The following TMEM33 variants were observed in gnomAD, a reference collection of about 807,000 sequenced individuals.
TMEM33 encodes the protein transmembrane protein 33.
Under a neutral mutation model 29.7 loss-of-function variants are expected in TMEM33, and 16 were observed. The observed-to-expected ratio is 0.54, with a 90% CI of 0.36 to 0.82. The LOEUF (loss-of-function observed/expected upper bound fraction) is 0.82. Among genes scored for constraint, TMEM33 ranks in the 40% least tolerant of loss-of-function variants. The pLI, the probability that TMEM33 is intolerant of heterozygous loss-of-function variation, is 0.00. For missense variants in TMEM33, 252 were observed against 295.3 expected, an observed-to-expected ratio of 0.85 and a Z score of 1.08; for synonymous variants, 112 against 109.4, an observed-to-expected ratio of 1.02 and a Z score of -0.15.
At chr4:41,940,046 C>CTTTTTTTTTTTTTTTTTTTTTT (rs71650953) in intron 3 of TMEM33, among the ~76,000 whole-genome samples, 1 of 81,366 alleles carries the variant, frequency 1.2e-5, no homozygotes, top group East Asian at 3.7e-4. Flanking sequence ...GTTAAACTTT[C>CTTTTTTTTTTTTTTTTTTTTTT]TTTTTTTTTT....
At chr4:41,940,047 T>C (rs73153227) in intron 3 of TMEM33, among the ~76,000 whole-genome samples, 3,177 of 19,836 alleles carry the variant, frequency 0.16, 42 homozygotes, top group African/African-American at 0.35. Flanking sequence ...TTAAACTTTC[T>C]TTTTTTTTTT....
rs78062577 is a variant in TMEM33 at position 41,943,526 on chromosome 4, A to C, written c.329-221A>C. Among the ~76,000 whole-genome samples the C allele has an allele frequency of 3.3e-5, 3 of 90,414 alleles. No homozygotes were observed. The East Asian group carries it at 7.5e-4, about 23-fold the overall frequency. The allele number at this position is 90,414 out of a possible 152,430, so 59.3% of individuals were successfully genotyped here. A position where few individuals can be genotyped will look rare whatever the true frequency, so the allele number is the denominator to read the frequency against. ...GGGGAGAAGAGTGAGACTTTGTCTCAAAAAAAAAAAAGAACTGTGAATTTT... is the reference window on the plus strand; with the variant it reads ...GGGGAGAAGAGTGAGACTTTGTCTCCAAAAAAAAAAAGAACTGTGAATTTT... On this transcript the variant is annotated intron_variant, in intron 3 of 6. Transcript: ENST00000504986.
intron 4 of TMEM33, 62 bp downstream of exon 4, chr4:41,943,876 C>G (rs1162875277): frequency 7.3e-6 from 11 of 1,505,748 alleles, no homozygotes; most frequent in African/African-American, 6.9e-5. Context: ...AATTTGAGTT[C>G]TAAGACATTT....
At chr4:41,951,204 A>G (rs1207914970) in intron 6 of TMEM33, among the ~76,000 whole-genome samples, 4 of 152,148 alleles carry the variant, frequency 2.6e-5, no homozygotes, top group Non-Finnish European at 5.9e-5. Context: ...TGTCCAGTAC[A>G]GCACAGCAAC....
chr4:41,956,387 A>G lies in TMEM33; in HGVS notation c.*2188A>G, dbSNP rs1488010891. ...GTAGAACATTTATCTAAAGTAAGAT[A>G]TTAGCCCAGAACAATACTACTAACT... On this transcript the variant is annotated 3_prime_UTR_variant, in exon 7 of 7. Coordinates refer to ENST00000504986, the MANE Select transcript of TMEM33 (RefSeq NM_018126.3). 2 of 152,188 alleles carry G rather than the reference A, an allele frequency of 1.3e-5. No individual in the cohort carries two copies. Among genetic ancestry groups the G allele is most frequent in the Non-Finnish European group, 2.9e-5 (2 of 68,040 alleles). The allele number at this position is 152,188 out of a possible 1,614,324, so 9.4% of individuals were successfully genotyped here.
intron 1 of TMEM33, 25 bp downstream of exon 1, chr4:41,935,554 G>A (rs750281646): frequency 1.9e-6 from 3 of 1,594,288 alleles, no homozygotes; most frequent in Non-Finnish European, 1.7e-6. Flanking sequence ...AGGGTAGTCT[G>A]GCTTGATTTG....
At chr4:41,941,563 C>A (rs1712543586) in intron 3 of TMEM33, among the ~76,000 whole-genome samples, 1 of 152,194 alleles carries the variant, frequency 6.6e-6, no homozygotes, top group Non-Finnish European at 1.5e-5. Context: ...AGACTCATGA[C>A]TGGTGAAGAA....
chr4:41,946,077 G>GTT (rs756912449), intron 5 of TMEM33, among the ~76,000 whole-genome samples: 12 of 116,250 alleles, frequency 1.0e-4, no homozygotes, highest in East Asian at 4.9e-4. Flanking sequence ...ATCCAGTTCT[G>GTT]TTTTTTTTTT....
At chr4:41,950,197 T>A (rs1484186613) in intron 6 of TMEM33, among the ~76,000 whole-genome samples, 1 of 152,126 alleles carries the variant, frequency 6.6e-6, no homozygotes, top group Admixed American at 6.5e-5. Context: ...TTTTCAGGAA[T>A]GGAGGCTTAA....
rs201660404 is a variant in TMEM33 at position 41,935,459 on chromosome 4, C to A, written c.-26C>A. The stretch of plus-strand genomic sequence containing the variant: ...CTTTCTTCTCTCTTCGCGGTTGCGG[C>A]GTCGCAGACGCTAGTGTGAGCCCCC... On this transcript the variant is annotated 5_prime_UTR_variant, in exon 1 of 7. Coordinates refer to ENST00000504986, the MANE Select transcript of TMEM33 (RefSeq NM_018126.3). 1.3e-6 allele frequency: 2 copies of A among 1,599,888 alleles called. No individual in the cohort carries two copies. The highest frequency in any genetic ancestry group is 8.5e-7 in the Non-Finnish European group (1 of 1,173,144).
intron 4 of TMEM33, chr4:41,944,033 C>T (rs1232233235): frequency 3.9e-5 from 19 of 481,156 alleles, no homozygotes; most frequent in South Asian, 8.9e-5. Context: ...CTTAAAATCA[C>T]CCCCCAGTCT....
At chr4:41,949,170 CATG>C in intron 5 of TMEM33, 129 bp from the exon 6 acceptor site, 1 of 526,690 alleles carries the variant, frequency 1.9e-6, no homozygotes. Flanking sequence ...TGGATTTAGA[CATG>C]ATAGATTTCA....
At chr4:41,937,171 G>T (rs1338208788) in intron 1 of TMEM33, among the ~76,000 whole-genome samples, 1 of 151,764 alleles carries the variant, frequency 6.6e-6, no homozygotes, top group Non-Finnish European at 1.5e-5. Flanking sequence ...AAAATGAAAC[G>T]CATAGCTCAA....
In TMEM33 at chr4:41,959,681, CT is replaced by C. The variant is rs1181905481; in HGVS notation, c.*5486del. On this transcript the variant is annotated 3_prime_UTR_variant, in exon 7 of 7. Transcript: ENST00000504986. ...TCTCTTGTAACTGTTAGAACAGTTC[CT>C]TTTGACATTAATTTTTGCCTACATA... The C allele has an allele frequency of 6.6e-6, 1 of 152,098 alleles. No homozygotes were observed. Among genetic ancestry groups the C allele is most frequent in the East Asian group, 1.9e-4 (1 of 5,194 alleles). The allele number at this position is 152,098 out of a possible 1,614,324, so 9.4% of individuals were successfully genotyped here. A position where few individuals can be genotyped will look rare whatever the true frequency, so the allele number is the denominator to read the frequency against.
intron 3 of TMEM33, chr4:41,939,904 C>G: frequency 2.5e-6 from 1 of 402,674 alleles, no homozygotes; most frequent in Non-Finnish European, 4.9e-6. Flanking sequence ...CATGGATAAT[C>G]CGTGAAGCTA....
In TMEM33 at chr4:41,954,263, G is replaced by A; in HGVS notation, c.*64G>A. On this transcript the variant is annotated 3_prime_UTR_variant, in exon 7 of 7. Coordinates refer to ENST00000504986, the MANE Select transcript of TMEM33 (RefSeq NM_018126.3). ...TATTAGCAGCTGGTACTTCTGCTAG[G>A]GGTTGTAAATTCCAGGTGTTACACT... 6.4e-7 allele frequency: 1 copy of A among 1,554,132 alleles called. No individual in the cohort carries two copies. Among genetic ancestry groups the A allele is most frequent in the Non-Finnish European group, 8.8e-7 (1 of 1,139,572 alleles).
At chr4:41,935,846 C>T (rs1712204425) in intron 1 of TMEM33, among the ~76,000 whole-genome samples, 2 of 152,192 alleles carry the variant, frequency 1.3e-5, no homozygotes, top group Admixed American at 6.5e-5. Context: ...AAAGATGCCG[C>T]ATGAGATTGT....
intron 1 of TMEM33, among the ~76,000 whole-genome samples, chr4:41,937,816 AT>A (rs916302928): frequency 2.6e-5 from 4 of 152,182 alleles, no homozygotes; most frequent in African/African-American, 9.7e-5. Flanking sequence ...AGACATAAGT[AT>A]TGGGGGGAAA....
At chr4:41,946,036 G>T (rs1712771861) in intron 5 of TMEM33, among the ~76,000 whole-genome samples, 1 of 141,230 alleles carries the variant, frequency 7.1e-6, no homozygotes. Context: ...TTTCCCACTT[G>T]TATGTTTTCA....
Sources: allele counts gnomAD v4.1 joint callset (sites outside exome capture counted in the v4.1 genomes callset), GRCh38; gene constraint gnomAD v4.1.1; transcripts MANE v1.5; gene names NCBI Gene and HGNC (gene_info 2026-07-23, HGNC 2026-07-21).